DYSF: variants seen among roughly 807,000 people sequenced by gnomAD.
DYSF encodes the protein dystrophy-associated fer-1-like 1.
DYSF carries 212 observed loss-of-function variants against 274.9 expected under a neutral mutation model. The ratio of observed to expected loss-of-function variants is 0.77; its 90% CI spans 0.69 to 0.86. The LOEUF (loss-of-function observed/expected upper bound fraction) is 0.86, where lower values mean the gene tolerates loss of function less well. Among genes scored for constraint, DYSF ranks in the 40% least tolerant of loss-of-function variants. The probability of loss-of-function intolerance (pLI) is 0.00; values close to 1 mark genes in which losing one functional copy is unlikely to be tolerated. For missense variants in DYSF, 2,666 were observed against 2,783.2 expected, an observed-to-expected ratio of 0.96 and a Z score of 0.95; for synonymous variants, 1,091 against 1,078.7, an observed-to-expected ratio of 1.01 and a Z score of -0.22.
intron 55 of DYSF, 50 bp from the exon 56 acceptor site, chr2:71,686,404 G>A: frequency 6.2e-7 from 1 of 1,610,374 alleles, no homozygotes; most frequent in South Asian, 1.1e-5. Context: ...CTCTGGCTGT[G>A]CCTGCCCCAG....
chr2:71,474,221 C>T (rs1398972544), intron 1 of DYSF, among the ~76,000 whole-genome samples: 2 of 152,164 alleles, frequency 1.3e-5, no homozygotes, highest in South Asian at 2.1e-4. Context: ...CAACCATGCC[C>T]AGCCGATTTT....
At chr2:71,621,389 A>G (rs1431255261) in intron 41 of DYSF, among the ~76,000 whole-genome samples, 1 of 152,040 alleles carries the variant, frequency 6.6e-6, no homozygotes, top group Admixed American at 6.6e-5. Context: ...TGATTTATCT[A>G]TTTTAAATAA....
intron 47 of DYSF, 129 bp downstream of exon 47, chr2:71,665,433 G>A: frequency 2.5e-6 from 3 of 1,190,482 alleles, no homozygotes; most frequent in South Asian, 2.5e-5. Context: ...GGTCTCTCCA[G>A]GGCAGCACAG....
chr2:71,663,189 A>G (rs1445637316), intron 45 of DYSF, among the ~76,000 whole-genome samples: 1 of 152,080 alleles, frequency 6.6e-6, no homozygotes, highest in African/African-American at 2.4e-5. Flanking sequence ...TGTGCCCACC[A>G]CCGCTGTCAT....
At chr2:71,645,053 A>T (rs2094546330) in intron 42 of DYSF, among the ~76,000 whole-genome samples, 2 of 152,136 alleles carry the variant, frequency 1.3e-5, no homozygotes, top group East Asian at 3.9e-4. Flanking sequence ...CAGTGTCCAG[A>T]GGTGAATGTT....
chr2:71,668,831 G>A lies in DYSF; in HGVS notation c.5535G>A (p.Arg1845=). ...GACCTCCCTTCAACATCACCCCACG[G>A]AGAGCCAGAAGGTGACTTGCCCAGC... is the stretch of plus-strand genomic sequence containing the variant. ...RPGPPFNITP[R]RARRFFLRCI... is the part of the protein sequence containing the mutation. Residue 1845 remains arginine (R), a synonymous_variant, in exon 49 of 56, where the codon CGG becomes CGA. Transcript: ENST00000410020. The A allele has an allele frequency of 6.2e-7, 1 of 1,613,362 alleles. No homozygotes were observed. Among genetic ancestry groups the A allele is most frequent in the Non-Finnish European group, 8.5e-7 (1 of 1,179,804 alleles).
intron 3 of DYSF, among the ~76,000 whole-genome samples, chr2:71,492,355 C>T (rs1190997951): frequency 6.6e-6 from 1 of 152,198 alleles, no homozygotes; most frequent in Non-Finnish European, 1.5e-5. Flanking sequence ...ACAGGTGTTT[C>T]CTCCCCTGTA....
intron 43 of DYSF, among the ~76,000 whole-genome samples, chr2:71,656,661 A>G (rs1319632641): frequency 1.3e-5 from 2 of 152,228 alleles, no homozygotes; most frequent in Non-Finnish European, 2.9e-5. Context: ...GCAAGGCCTC[A>G]GAATCATGGC....
intron 52 of DYSF, among the ~76,000 whole-genome samples, chr2:71,678,601 T>A (rs892632746): frequency 2.0e-5 from 3 of 152,040 alleles, no homozygotes; most frequent in Non-Finnish European, 4.4e-5. Flanking sequence ...GTTTTAGAAA[T>A]AGTAGTGATG....
intron 12 of DYSF, 109 bp downstream of exon 12, chr2:71,521,013 A>G (rs986315072): frequency 2.4e-6 from 2 of 845,556 alleles, no homozygotes; most frequent in African/African-American, 3.4e-5. Context: ...TTAAACTAAT[A>G]TGTGGTAATT....
chr2:71,596,504 G>A (rs779543476), intron 32 of DYSF, among the ~76,000 whole-genome samples: 34 of 152,196 alleles, frequency 2.2e-4, no homozygotes, highest in Non-Finnish European at 4.6e-4. Flanking sequence ...GAGGTTCTCT[G>A]CCGAGCTTGG....
At chr2:71,526,186 C>A (rs544193683) in intron 12 of DYSF, 34 bp from the exon 13 acceptor site, 8 of 1,614,006 alleles carry the variant, frequency 5.0e-6, no homozygotes, top group African/African-American at 2.7e-5. Context: ...TGCTCAGGAG[C>A]GCATGAAGGA....
chr2:71,567,306 G>A (rs1405146095), intron 24 of DYSF, among the ~76,000 whole-genome samples: 1 of 152,192 alleles, frequency 6.6e-6, no homozygotes, highest in Non-Finnish European at 1.5e-5. Context: ...AGATGATACA[G>A]TAACCAAAGA....
At chr2:71,496,546 T>C (rs2084415812) in intron 3 of DYSF, among the ~76,000 whole-genome samples, 4 of 152,172 alleles carry the variant, frequency 2.6e-5, no homozygotes, top group African/African-American at 2.4e-5. Flanking sequence ...TAGCTGTCTA[T>C]GTACCGACAT....
At chr2:71,489,429 G>A (rs537267845) in intron 3 of DYSF, among the ~76,000 whole-genome samples, 70 of 152,370 alleles carry the variant, frequency 4.6e-4, no homozygotes, top group African/African-American at 1.6e-3. Context: ...TAGGTGTCCA[G>A]CCACTGCAGT....
chr2:71,485,751 C>A (rs758229623), intron 3 of DYSF, among the ~76,000 whole-genome samples: 1 of 152,150 alleles, frequency 6.6e-6, no homozygotes, highest in East Asian at 1.9e-4. Flanking sequence ...CAAGAATGAA[C>A]GCATGACATT....
chr2:71,478,293 G>C (rs1282918915), intron 1 of DYSF, among the ~76,000 whole-genome samples: 1 of 150,582 alleles, frequency 6.6e-6, no homozygotes, highest in Non-Finnish European at 1.5e-5. Context: ...CTCACTGCAA[G>C]CCCCGCCTCC....
chr2:71,605,056 A>T (rs1456919596), intron 36 of DYSF, among the ~76,000 whole-genome samples: 1 of 152,150 alleles, frequency 6.6e-6, no homozygotes, highest in East Asian at 1.9e-4. Context: ...GGCTTTGATG[A>T]TGTCCGGGAG....
In DYSF at chr2:71,539,197, CTGAG is replaced by C. The variant is rs774402454; in HGVS notation, c.1536_1539del (p.Ser513CysfsTer11). 6.2e-7 allele frequency: 1 copy of C among 1,614,122 alleles called. No homozygotes were observed. The highest frequency in any genetic ancestry group is 8.5e-7 in the Non-Finnish European group (1 of 1,180,032). ...CAATGACATCGTGGCTACCACCTAC[CTGAG>C]TATGTCGAAAATCTCTGCCCCTGGA... On this transcript the variant is annotated frameshift_variant, in exon 17 of 56. Transcript: ENST00000410020. LOFTEE classifies it high-confidence loss of function.
Sources: gnomAD v4.1 joint callset for allele counts (sites outside exome capture counted in the v4.1 genomes callset) on GRCh38, gnomAD v4.1.1 for gene constraint, MANE v1.5 for transcripts, NCBI Gene and HGNC (gene_info 2026-07-23, HGNC 2026-07-21) for gene names.